ANKFY1: variants seen among roughly 807,000 people sequenced by gnomAD.
The protein encoded by ANKFY1 is ankyrin repeat and FYVE domain-containing protein 1.
In ANKFY1, 47 loss-of-function variants were observed where a neutral mutation model predicts 128.3. The ratio of observed to expected loss-of-function variants is 0.37; its 90% CI spans 0.29 to 0.47. The LOEUF (loss-of-function observed/expected upper bound fraction) is 0.47, where lower values mean the gene tolerates loss of function less well. ANKFY1 is among the 20% of genes least tolerant of loss of function. The pLI is 1.00. For synonymous variants in ANKFY1, 553 were observed against 601.6 expected (o/e 0.92, Z 1.18); for missense variants, 1,222 against 1,510.6 (o/e 0.81, Z 3.17).
intron 1 of ANKFY1, among the ~76,000 whole-genome samples, chr17:4,255,493 C>T (rs11649854): frequency 0.52 from 79,625 of 151,818 alleles, 22,771 homozygotes; most frequent in East Asian, 0.8. Context: ...GAGGTGATCC[C>T]CTGGCCTCGG....
chr17:4,179,266 T>A, intron 17 of ANKFY1: 1 of 610,716 alleles, frequency 1.6e-6, no homozygotes, highest in Non-Finnish European at 2.9e-6. Flanking sequence ...GTGGTGACCG[T>A]AGGACCAGCA....
intron 1 of ANKFY1, among the ~76,000 whole-genome samples, chr17:4,248,797 C>T (rs1351196947): frequency 2.0e-5 from 3 of 152,068 alleles, no homozygotes; most frequent in Non-Finnish European, 2.9e-5. Context: ...GGAGAGCAAA[C>T]CTAGAAATTT....
intron 7 of ANKFY1, among the ~76,000 whole-genome samples, chr17:4,199,677 C>T (rs771227329): frequency 3.9e-5 from 6 of 152,140 alleles, no homozygotes; most frequent in Admixed American, 6.5e-5. Context: ...ATTGGTTCTA[C>T]AAATACATGG....
chr17:4,174,462 T>C (rs2059378414), intron 19 of ANKFY1, among the ~76,000 whole-genome samples: 2 of 152,040 alleles, frequency 1.3e-5, no homozygotes, highest in African/African-American at 2.4e-5. Context: ...AGATGATAAA[T>C]ATTTATCGAT....
At chr17:4,190,334 G>A (rs189866465) in intron 10 of ANKFY1, among the ~76,000 whole-genome samples, 8 of 152,142 alleles carry the variant, frequency 5.3e-5, no homozygotes, top group East Asian at 3.9e-4. Flanking sequence ...CCAGCTACTC[G>A]GGAGGCTGAG....
At position 4,175,041 on chromosome 17, in the gene ANKFY1, A is replaced by G. The variant is rs139715387; in HGVS notation, c.2776-985T>C. 3.4e-3 allele frequency among the ~76,000 whole-genome samples: 513 copies of G among 150,068 alleles called. 6 individuals are homozygous for G. Among genetic ancestry groups the G allele is most frequent in the African/African-American group, 0.012 (484 of 41,144 alleles). ...CTGCACCCGGCCTGTTTTTTAAAAG[A>G]AAGAACACAGGCCGGGTGCAGTGGC... On this transcript the variant is annotated intron_variant, in intron 19 of 24. Transcript: ENST00000341657.
At position 4,206,267 on chromosome 17, in the gene ANKFY1, T is replaced by C. The variant is rs2060021611; in HGVS notation, c.898+54A>G. ...AACAAGGTCAGAAAGTCTTCAAAAA[T>C]TACTCGGATAAAAATAAAATTGCCT... On this transcript the variant is annotated intron_variant, in intron 7 of 24. Transcript: ENST00000341657. The C allele has an allele frequency of 2.5e-6, 4 of 1,586,294 alleles. No individual in the cohort carries two copies. The East Asian group carries it at 9.0e-5, about 36-fold the overall frequency.
Position 4,179,041 on chromosome 17 carries a change from G to A in ANKFY1, c.2414C>T (p.Thr805Ile). Residue 805 changes from threonine (T) to isoleucine (I), a missense_variant, in exon 18 of 25, where the codon ACC (threonine) becomes ATC (isoleucine). By Grantham distance (89) the Thr-to-Ile change is moderately conservative (BLOSUM62 -1). Coordinates refer to ENST00000341657, the MANE Select transcript of ANKFY1 (RefSeq NM_001330063.2). ...GCTGCTGATGGCCACGTGGATGGGG[G>A]TTCTTCCTTCTGCATCCTATGGAAC... ...NVNAQDAEGRTPIHVAISSQH... is the reference protein window; with the variant it reads ...NVNAQDAEGRIPIHVAISSQH... 2 of 1,614,158 alleles carry A rather than the reference G, an allele frequency of 1.2e-6. No individual in the cohort carries two copies. The highest frequency in any genetic ancestry group is 1.7e-6 in the Non-Finnish European group (2 of 1,180,036).
At chr17:4,182,760 G>A (rs1410285438) in intron 14 of ANKFY1, among the ~76,000 whole-genome samples, 1 of 152,124 alleles carries the variant, frequency 6.6e-6, no homozygotes, top group East Asian at 1.9e-4. Flanking sequence ...AGGCCTTGTT[G>A]GTGGCTCATT....
At chr17:4,242,202 A>G (rs1598136473) in intron 2 of ANKFY1, 54 bp downstream of exon 2, 1 of 1,416,338 alleles carries the variant, frequency 7.1e-7, no homozygotes, top group East Asian at 2.7e-5. Flanking sequence ...GAAAAGCTGT[A>G]GTGTGGCCCA....
At chr17:4,172,504 A>G in intron 22 of ANKFY1, 52 bp downstream of exon 22, 1 of 1,585,342 alleles carries the variant, frequency 6.3e-7, no homozygotes, top group Non-Finnish European at 8.6e-7. Flanking sequence ...TTGCTTTTCC[A>G]GGAAGCAAGG....
In ANKFY1 at chr17:4,166,525, A is replaced by G. The variant is rs951021086; in HGVS notation, c.*1254T>C. ...AAAAGTTTAACACCTCACGGTTAAT[A>G]TATGTACTAACAGCGATGAACGCCC... On this transcript the variant is annotated 3_prime_UTR_variant, in exon 25 of 25. Coordinates refer to ENST00000341657, the MANE Select transcript of ANKFY1 (RefSeq NM_001330063.2). 2 of 152,642 alleles carry G rather than the reference A, an allele frequency of 1.3e-5. No homozygotes were observed. The highest frequency in any genetic ancestry group is 4.8e-5 in the African/African-American group (2 of 41,468). The allele number at this position is 152,642 out of a possible 1,614,324, so 9.5% of individuals were successfully genotyped here. A position where few individuals can be genotyped will look rare whatever the true frequency, so the allele number is the denominator to read the frequency against.
At chr17:4,231,976 A>G (rs2060520456) in intron 3 of ANKFY1, among the ~76,000 whole-genome samples, 1 of 152,092 alleles carries the variant, frequency 6.6e-6, no homozygotes, top group Non-Finnish European at 1.5e-5. Context: ...TCAATTAGAC[A>G]AGAACATCAA....
chr17:4,197,553 A>G lies in ANKFY1; in HGVS notation c.923T>C (p.Leu308Pro). ...QRGDLFAATF[L>P]IKNGAFVNAA... ...GTTGACAAAGGCCCCATTCTTAATG[A>G]GGAAAGTGGCAGCAAAGAGATCTCC... The change falls in exon 8 of 25, where the codon CTC (leucine) becomes CCC (proline). Residue 308 changes from leucine to proline, a missense_variant. Leu to Pro is a moderately conservative substitution (Grantham distance 98). Transcript: ENST00000341657. The G allele has an allele frequency of 6.2e-7, 1 of 1,614,192 alleles. No individual in the cohort carries two copies. The highest frequency in any genetic ancestry group is 8.5e-7 in the Non-Finnish European group (1 of 1,180,040).
chr17:4,203,650 T>C (rs985531527), intron 7 of ANKFY1, among the ~76,000 whole-genome samples: 3 of 151,560 alleles, frequency 2.0e-5, no homozygotes, highest in Non-Finnish European at 2.9e-5. Context: ...ACCCAGTCTC[T>C]ACTAAAAATA....
intron 2 of ANKFY1, among the ~76,000 whole-genome samples, chr17:4,240,319 G>GGT (rs1187220738): frequency 2.0e-5 from 3 of 151,628 alleles, no homozygotes; most frequent in African/African-American, 7.3e-5. Flanking sequence ...GCCCGCCTTG[G>GGT]CCTCCTAAGT....
chr17:4,190,951 A>G (rs934839225), intron 10 of ANKFY1, among the ~76,000 whole-genome samples: 2 of 152,184 alleles, frequency 1.3e-5, no homozygotes, highest in Non-Finnish European at 2.9e-5. Context: ...AAGCCTGGCC[A>G]ACATGGTGAA....
At chr17:4,233,367 TAA>T (rs553041541) in intron 3 of ANKFY1, among the ~76,000 whole-genome samples, 4 of 142,934 alleles carry the variant, frequency 2.8e-5, no homozygotes, top group South Asian at 2.2e-4. Flanking sequence ...CACTATGCTT[TAA>T]AAAAAAAAAA....
intron 1 of ANKFY1, among the ~76,000 whole-genome samples, chr17:4,261,352 T>A (rs1267527125): frequency 6.6e-6 from 1 of 152,066 alleles, no homozygotes; most frequent in East Asian, 1.9e-4. Context: ...TGATGGCGGG[T>A]GCCTGTAATC....
Sources: allele counts gnomAD v4.1 joint callset (sites outside exome capture counted in the v4.1 genomes callset), GRCh38; gene constraint gnomAD v4.1.1; transcripts MANE v1.5; gene names NCBI Gene and HGNC (gene_info 2026-07-23, HGNC 2026-07-21).